The following FAM20A variants were observed in gnomAD, a reference collection of about 807,000 sequenced individuals.
The protein encoded by FAM20A is pseudokinase FAM20A.
Under a neutral mutation model 52.0 loss-of-function variants are expected in FAM20A, and 42 were observed. That is an observed-to-expected ratio of 0.81 (90% confidence interval 0.63 to 1.04). The LOEUF (loss-of-function observed/expected upper bound fraction) is 1.04, where lower values mean the gene tolerates loss of function less well. Among genes scored for constraint, FAM20A ranks in the 50% least tolerant of loss-of-function variants. The probability of loss-of-function intolerance (pLI) is 0.00; values close to 1 mark genes in which losing one functional copy is unlikely to be tolerated. For synonymous variants in FAM20A, 304 were observed against 298.9 expected, an observed-to-expected ratio of 1.02 and a Z score of -0.18; for missense variants, 742 against 712.7, an observed-to-expected ratio of 1.04 and a Z score of -0.47.
At chr17:68,560,192 A>G (rs2087170900) in intron 1 of FAM20A, among the ~76,000 whole-genome samples, 1 of 152,080 alleles carries the variant, frequency 6.6e-6, no homozygotes, top group African/African-American at 2.4e-5. Context: ...TCGGCCTGCC[A>G]AAGTGCTGGG....
intron 1 of FAM20A, among the ~76,000 whole-genome samples, chr17:68,568,484 A>G (rs970153723): frequency 5.9e-5 from 9 of 151,338 alleles, no homozygotes; most frequent in Non-Finnish European, 1.2e-4. Context: ...AAATAAATAA[A>G]TAAATAAATA....
At chr17:68,549,960 C>T (rs1234092158) in intron 4 of FAM20A, among the ~76,000 whole-genome samples, 1 of 152,250 alleles carries the variant, frequency 6.6e-6, no homozygotes, top group African/African-American at 2.4e-5. Context: ...TCTCTATATT[C>T]AGTCCTGGCA....
intron 10 of FAM20A, among the ~76,000 whole-genome samples, chr17:68,538,618 A>G (rs1021015225): frequency 6.6e-6 from 1 of 152,250 alleles, no homozygotes; most frequent in Non-Finnish European, 1.5e-5. Context: ...CAGTCTGCAC[A>G]GGTTTACAGG....
chr17:68,561,591 C>CT (rs5821662), intron 1 of FAM20A, among the ~76,000 whole-genome samples: 5,822 of 128,908 alleles, frequency 0.045, 349 homozygotes, highest in African/African-American at 0.14. Flanking sequence ...TTTGATTGCT[C>CT]TTTTTTTTTT....
At chr17:68,538,093 C>T (rs2031372167) in intron 10 of FAM20A, among the ~76,000 whole-genome samples, 1 of 152,210 alleles carries the variant, frequency 6.6e-6, no homozygotes, top group African/African-American at 2.4e-5. Flanking sequence ...GGAGAAGTTT[C>T]TAGTAGGTGA....
intron 1 of FAM20A, among the ~76,000 whole-genome samples, chr17:68,556,509 T>C (rs1018746153): frequency 5.5e-5 from 8 of 145,934 alleles, no homozygotes; most frequent in African/African-American, 2.1e-4. Context: ...GAATCTATGA[T>C]GAAGTAGCCT....
At chr17:68,590,488 G>A (rs905582109) in intron 1 of FAM20A, 1 of 152,194 alleles carries the variant, frequency 6.6e-6, no homozygotes, top group Non-Finnish European at 1.5e-5. Flanking sequence ...ACATGAACCC[G>A]TGAAGGAGCT....
intron 4 of FAM20A, among the ~76,000 whole-genome samples, chr17:68,546,720 C>T (rs932848454): frequency 4.0e-5 from 6 of 151,478 alleles, no homozygotes. Context: ...GTCCCAGCCA[C>T]TCGGGAGGCT....
chr17:68,544,557 T>G (rs2086460843), intron 4 of FAM20A, among the ~76,000 whole-genome samples: 2 of 152,160 alleles, frequency 1.3e-5, no homozygotes, highest in Non-Finnish European at 1.5e-5. Context: ...TAGATGTAAA[T>G]AAACGTGATG....
At chr17:68,581,420 C>CTTTTTT (rs1299176126) in intron 1 of FAM20A, among the ~76,000 whole-genome samples, 18 of 47,826 alleles carry the variant, frequency 3.8e-4, no homozygotes, top group Admixed American at 1.7e-3. Flanking sequence ...CTTTCTTTTT[C>CTTTTTT]TCTTTTCTTT....
intron 1 of FAM20A, among the ~76,000 whole-genome samples, chr17:68,558,112 AC>A (rs943991563): frequency 5.3e-5 from 8 of 152,094 alleles, no homozygotes; most frequent in African/African-American, 1.9e-4. Flanking sequence ...GGCTTTGAAG[AC>A]CCACTATTGT....
In FAM20A at chr17:68,542,804, A is replaced by C; in HGVS notation, c.818T>G (p.Leu273Arg). 6.2e-7 allele frequency: 1 copy of C among 1,612,668 alleles called. No homozygotes were observed. Among genetic ancestry groups the C allele is most frequent in the Non-Finnish European group, 8.5e-7 (1 of 1,178,702 alleles). The change falls in exon 6 of 11, where the codon CTG becomes CGG. Residue 273 changes from leucine (L) to arginine (R), a missense_variant. Leu to Arg is a moderately radical substitution (Grantham distance 102, BLOSUM62 -2). Coordinates refer to ENST00000592554, the MANE Select transcript of FAM20A (RefSeq NM_017565.4). ...TGTTGGCGGCACCCGTCGGAAGTCC[A>C]GAATCCTGCAAGAGAGGAAGCTCTG... Reference protein sequence around the residue: ...EIAAFHLDRILDFRRVPPTVG... With the variant: ...EIAAFHLDRIRDFRRVPPTVG...
intron 1 of FAM20A, among the ~76,000 whole-genome samples, chr17:68,567,663 G>A (rs772863021): frequency 2.2e-4 from 33 of 151,998 alleles, no homozygotes; most frequent in Non-Finnish European, 3.8e-4. Flanking sequence ...AGTTTGTCCT[G>A]CATTGAAGCA....
intron 9 of FAM20A, 61 bp from the exon 10 acceptor site, chr17:68,539,457 T>G: frequency 6.9e-7 from 1 of 1,449,470 alleles, no homozygotes; most frequent in Non-Finnish European, 9.7e-7. Flanking sequence ...CCCCTGAGGC[T>G]TCCTCTCTCC....
chr17:68,558,468 G>T, intron 1 of FAM20A: 1 of 260,568 alleles, frequency 3.8e-6, no homozygotes, highest in Non-Finnish European at 8.1e-6. Flanking sequence ...CCGTCTCCTT[G>T]GTGATGAATG....
chr17:68,542,775 C>G lies in FAM20A; in HGVS notation c.847G>C (p.Gly283Arg), dbSNP rs2086364920. 3.7e-6 allele frequency: 6 copies of G among 1,614,140 alleles called. No individual in the cohort carries two copies. Among genetic ancestry groups the G allele is most frequent in the Non-Finnish European group, 5.1e-6 (6 of 1,180,010 alleles). Residue 283 changes from glycine (G) to arginine (R), a missense_variant, in exon 6 of 11, where the codon GGG (glycine) becomes CGG (arginine). Coordinates refer to ENST00000592554, the MANE Select transcript of FAM20A (RefSeq NM_017565.4). ...TCCTTGGTGACATTTACTATCCTCC[C>G]CACTGTTGGCGGCACCCGTCGGAAG... ...LDFRRVPPTV[G>R]RIVNVTKEIL...
At chr17:68,582,601 G>C in intron 1 of FAM20A, 1 of 151,992 alleles carries the variant, frequency 6.6e-6, no homozygotes, top group East Asian at 1.9e-4. Flanking sequence ...ATCTGCTTGA[G>C]GATCAGTGCT....
intron 9 of FAM20A, 102 bp downstream of exon 9, chr17:68,539,783 G>A (rs925437123): frequency 5.7e-6 from 6 of 1,048,006 alleles, no homozygotes; most frequent in Non-Finnish European, 8.8e-6. Flanking sequence ...ACGTGGTGGT[G>A]GAGGCCCTCA....
Position 68,555,622 on chromosome 17 carries a change from G to A in FAM20A, c.526C>T (p.Arg176Trp), listed in dbSNP as rs149777674. Reference sequence around the variant, plus strand: ...AGTTTGCTGACAACAGGGCTGGACCGGGAGTAGAGCCCATGGCGGTTAATA... The same window carrying A: ...AGTTTGCTGACAACAGGGCTGGACCAGGAGTAGAGCCCATGGCGGTTAATA... Reference protein sequence around the residue: ...LGINRHGLYSRSSPVVSKLLQ... With the variant: ...LGINRHGLYSWSSPVVSKLLQ... Residue 176 changes from arginine (R) to tryptophan (W), a missense_variant, in exon 2 of 11, where the codon CGG becomes TGG. Coordinates refer to ENST00000592554, the MANE Select transcript of FAM20A (RefSeq NM_017565.4). 60 of 1,613,692 alleles carry A rather than the reference G, an allele frequency of 3.7e-5. No homozygotes were observed. The highest frequency in any genetic ancestry group is 4.6e-5 in the Non-Finnish European group (54 of 1,180,040).
Sources: gnomAD v4.1 joint callset for allele counts (sites outside exome capture counted in the v4.1 genomes callset) on GRCh38, gnomAD v4.1.1 for gene constraint, MANE v1.5 for transcripts, NCBI Gene and HGNC (gene_info 2026-07-23, HGNC 2026-07-21) for gene names.